Variants in COL14A1 observed in about 807,000 individuals in gnomAD.
The protein encoded by COL14A1 is collagen alpha-1(XIV) chain.
COL14A1 carries 136 observed loss-of-function variants against 230.3 expected under a neutral mutation model. The observed-to-expected ratio is 0.59, with a 90% CI of 0.51 to 0.68. The LOEUF (loss-of-function observed/expected upper bound fraction) is 0.68. Ranked by LOEUF, COL14A1 falls within the 30% of genes least tolerant of loss-of-function variation. The pLI is 0.00. For missense variants in COL14A1, 1,976 were observed against 2,215.8 expected (o/e 0.89, Z 2.17); for synonymous variants, 792 against 784.1 (o/e 1.01, Z -0.17).
intron 22 of COL14A1, among the ~76,000 whole-genome samples, chr8:120,252,213 C>G (rs1171138131): frequency 1.3e-5 from 2 of 151,928 alleles, no homozygotes; most frequent in African/African-American, 2.4e-5. Context: ...TTCAATATCC[C>G]TTAGGGTACA....
chr8:120,314,093 T>G, intron 38 of COL14A1, 66 bp downstream of exon 38: 1 of 1,181,292 alleles, frequency 8.5e-7, no homozygotes, highest in Non-Finnish European at 1.2e-6. Context: ...TTACAAAGAA[T>G]GAACTTTTGT....
rs1563666321 is a variant in COL14A1, at chr8:120,197,924, C to G, written c.706C>G (p.Leu236Val). Residue 236 changes from leucine to valine, a missense_variant, in exon 7 of 48, where the codon CTA becomes GTA. Around this residue, in one of 3 missense-constraint regions of COL14A1, gnomAD observed 1,791 missense variants for 2,019.5 expected, o/e 0.89. Coordinates refer to ENST00000297848, the MANE Select transcript of COL14A1 (RefSeq NM_021110.4). ...CCTCCCATATAAAGGAGGAAATACA[C>G]TAACAGGTATGTTTTGTTCAATCCA... ...RNLPYKGGNTLTGLALNYIFE... is the reference protein window; with the variant it reads ...RNLPYKGGNTVTGLALNYIFE... The G allele has an allele frequency of 1.9e-6, 3 of 1,613,312 alleles. No individual in the cohort carries two copies.
intron 40 of COL14A1, among the ~76,000 whole-genome samples, chr8:120,330,479 G>C (rs542721921): frequency 6.6e-6 from 1 of 152,278 alleles, no homozygotes; most frequent in African/African-American, 2.4e-5. Context: ...TTAAATGACG[G>C]CAGGCAAGAG....
chr8:120,309,935 C>T, intron 36 of COL14A1, 74 bp from the exon 37 acceptor site: 1 of 1,397,682 alleles, frequency 7.2e-7, no homozygotes, highest in Non-Finnish European at 1.0e-6. Context: ...TTAATTCATA[C>T]TATTAAGGAA....
rs1309900559 is a variant in COL14A1 at position 120,300,755 on chromosome 8, C to A, written c.4338C>A (p.Asp1446Glu). The change falls in exon 36 of 48, where the codon GAC becomes GAA. Residue 1446 changes from aspartate to glutamate, a missense_variant. Asp to Glu is a conservative substitution (Grantham distance 45). Coordinates refer to ENST00000297848, the MANE Select transcript of COL14A1 (RefSeq NM_021110.4). Reference protein sequence around the residue: ...PGLRDDESCPDLPHSCSCSET... With the variant: ...PGLRDDESCPELPHSCSCSET... ...AGAGAGATGATGAGTCTTGCCCAGA[C>A]CTTCCCCATTCCTGCTCCTGTTCTG... The A allele has an allele frequency of 3.1e-6, 5 of 1,613,490 alleles. No individual in the cohort carries two copies. Among genetic ancestry groups the A allele is most frequent in the African/African-American group, 1.3e-5 (1 of 74,890 alleles).
At chr8:120,334,133 C>T (rs778190087) in intron 42 of COL14A1, among the ~76,000 whole-genome samples, 1 of 152,144 alleles carries the variant, frequency 6.6e-6, no homozygotes, top group Admixed American at 6.5e-5. Context: ...GGCCTCTCTT[C>T]GTCTAGCAAC....
At chr8:120,308,396 C>A (rs1320770015) in intron 36 of COL14A1, among the ~76,000 whole-genome samples, 3 of 152,172 alleles carry the variant, frequency 2.0e-5, no homozygotes, top group Non-Finnish European at 4.4e-5. Flanking sequence ...AACTATGCAA[C>A]AGTTAAGAAT....
Position 120,294,453 on chromosome 8 carries a change from C to A in COL14A1, c.4237-3058C>A, listed in dbSNP as rs1160588304. Among the ~76,000 whole-genome samples the A allele has an allele frequency of 2.6e-5, 3 of 113,674 alleles. 1 individual carries two copies. In the South Asian group the frequency reaches 8.0e-4, roughly 30 times the overall value. 74.6% of individuals were successfully genotyped at this position (113,674 alleles called of 152,430 possible). A position where few individuals can be genotyped will look rare whatever the true frequency, so the allele number is the denominator to read the frequency against. On this transcript the variant is annotated intron_variant, in intron 34 of 47. Coordinates refer to ENST00000297848, the MANE Select transcript of COL14A1 (RefSeq NM_021110.4). ...CTTCCTCTTTTTTTTTTTTTTTTTGCAAAGATGTATCTTTTATAATTTTCA... is the reference window on the plus strand; with the variant it reads ...CTTCCTCTTTTTTTTTTTTTTTTTGAAAAGATGTATCTTTTATAATTTTCA...
chr8:120,301,394 C>T (rs1469661667), intron 36 of COL14A1, among the ~76,000 whole-genome samples: 1 of 152,012 alleles, frequency 6.6e-6, no homozygotes, highest in Non-Finnish European at 1.5e-5. Flanking sequence ...CTGTTGTTCC[C>T]TTCCTTGTGT....
At position 120,255,317 on chromosome 8, in the gene COL14A1, C is replaced by T. The variant is rs774060375; in HGVS notation, c.2830C>T (p.His944Tyr). 2.5e-6 allele frequency: 4 copies of T among 1,614,100 alleles called. No individual in the cohort carries two copies. Among genetic ancestry groups the T allele is most frequent in the African/African-American group, 1.3e-5 (1 of 75,050 alleles). The change falls in exon 23 of 48, where the codon CAT (histidine) becomes TAT (tyrosine). Residue 944 changes from histidine (H) to tyrosine (Y), a missense_variant. By Grantham distance (83) the His-to-Tyr change is moderately conservative. Around this residue, in one of 3 missense-constraint regions of COL14A1, gnomAD observed 1,791 missense variants for 2,019.5 expected, o/e 0.89. Coordinates refer to ENST00000297848, the MANE Select transcript of COL14A1 (RefSeq NM_021110.4). ...GTGTGCCCACTGGCAGGTACATCGCCATGCCACAGCCTATAGGGTTGTTAT... is the reference window on the plus strand; with the variant it reads ...GTGTGCCCACTGGCAGGTACATCGCTATGCCACAGCCTATAGGGTTGTTAT... ...SLCAHWQVHR[H>Y]ATAYRVVIES... is the part of the protein sequence containing the mutation.
chr8:120,289,532 G>A, intron 33 of COL14A1, 76 bp from the exon 34 acceptor site: 1 of 1,290,276 alleles, frequency 7.8e-7, no homozygotes, highest in Non-Finnish European at 1.1e-6. Context: ...TTGTAATGAT[G>A]AATCATACAA....
intron 29 of COL14A1, 26 bp downstream of exon 29, chr8:120,280,125 C>G: frequency 6.2e-7 from 1 of 1,612,512 alleles, no homozygotes; most frequent in Non-Finnish European, 8.5e-7. Flanking sequence ...TTTGTACTTA[C>G]TCATGTTGCT....
intron 34 of COL14A1, among the ~76,000 whole-genome samples, chr8:120,294,649 C>A (rs1256940871): frequency 6.6e-6 from 1 of 151,434 alleles, no homozygotes; most frequent in African/African-American, 2.4e-5. Context: ...ATATGTATGT[C>A]ATTGCTTTTG....
Position 120,225,259 on chromosome 8 carries a change from T to C in COL14A1, c.1864+45T>C, listed in dbSNP as rs1818059672. 1.9e-6 allele frequency: 3 copies of C among 1,576,354 alleles called. No individual in the cohort carries two copies. The East Asian group carries it at 6.8e-5, about 36-fold the overall frequency. On this transcript the variant is annotated intron_variant, in intron 15 of 47. Transcript: ENST00000297848. ...TTTGAAAAGTTTTGAGAGTAGCTAT[T>C]AATATATAGAAACCAGAACCTGGAG...
At chr8:120,368,203 T>C (rs1823472785) in intron 46 of COL14A1, among the ~76,000 whole-genome samples, 1 of 152,168 alleles carries the variant, frequency 6.6e-6, no homozygotes, top group African/African-American at 2.4e-5. Flanking sequence ...TCAGGCTTGA[T>C]ATTAGAATTA....
At chr8:120,234,010 T>C (rs933126294) in intron 19 of COL14A1, among the ~76,000 whole-genome samples, 10 of 152,234 alleles carry the variant, frequency 6.6e-5, no homozygotes, top group Admixed American at 3.9e-4. Flanking sequence ...GTGGTTTGAG[T>C]TCTCCTTGAA....
At chr8:120,132,085 T>C (rs192312359) in intron 1 of COL14A1, among the ~76,000 whole-genome samples, 205 of 152,150 alleles carry the variant, frequency 1.3e-3, no homozygotes, top group South Asian at 3.1e-3. Flanking sequence ...CCTGACCTCA[T>C]GATCCACCCG....
chr8:120,229,245 A>G (rs571928344), intron 18 of COL14A1, among the ~76,000 whole-genome samples: 15 of 140,030 alleles, frequency 1.1e-4, no homozygotes, highest in East Asian at 4.5e-4. Flanking sequence ...ATATCTCCCA[A>G]TGCTATCCCT....
intron 19 of COL14A1, among the ~76,000 whole-genome samples, chr8:120,243,579 G>C (rs1183069106): frequency 6.6e-6 from 1 of 152,136 alleles, no homozygotes; most frequent in African/African-American, 2.4e-5. Context: ...TATCTAAACA[G>C]GCCATTATTC....
Sources: allele counts gnomAD v4.1 joint callset (sites outside exome capture counted in the v4.1 genomes callset), GRCh38; gene constraint gnomAD v4.1.1; regional missense constraint gnomAD v4.1.1; transcripts MANE v1.5; gene names NCBI Gene and HGNC (gene_info 2026-07-23, HGNC 2026-07-21).